QSOX2: variants seen among roughly 807,000 people sequenced by gnomAD.
QSOX2 encodes quiescin sulfhydryl oxidase 2, also known as sulfhydryl oxidase 2.
In QSOX2, 46 loss-of-function variants were observed where a neutral mutation model predicts 61.7. The observed-to-expected ratio is 0.75, with a 90% CI of 0.59 to 0.95. The LOEUF is 0.95. Among genes scored for constraint, QSOX2 ranks in the 40% least tolerant of loss-of-function variants. QSOX2 has a pLI of 0.00. For missense variants in QSOX2, 879 were observed against 918.9 expected, an observed-to-expected ratio of 0.96 and a Z score of 0.56; for synonymous variants, 383 against 388.4, an observed-to-expected ratio of 0.99 and a Z score of 0.16.
chr9:136,215,020 A>G (rs1831891432), intron 10 of QSOX2, 134 bp downstream of exon 10: 3 of 1,066,920 alleles, frequency 2.8e-6, no homozygotes, highest in Non-Finnish European at 3.9e-6. Flanking sequence ...AGGAGTCTGA[A>G]GTGCCATTCC....
chr9:136,213,893 G>T (rs1389457874), intron 10 of QSOX2, among the ~76,000 whole-genome samples: 1 of 152,206 alleles, frequency 6.6e-6, no homozygotes, highest in African/African-American at 2.4e-5. Flanking sequence ...ACACGAGTGA[G>T]CCCAAGCAGC....
At chr9:136,224,473 C>T (rs1830260798) in intron 3 of QSOX2, among the ~76,000 whole-genome samples, 1 of 152,292 alleles carries the variant, frequency 6.6e-6, no homozygotes, top group South Asian at 2.1e-4. Flanking sequence ...CAGGCAGCTC[C>T]ACCGGGTCCC....
rs928505058 is a variant in QSOX2, at chr9:136,223,193, C to T, written c.675+570G>A. Among the ~76,000 whole-genome samples, 1 of 152,128 alleles carries T rather than the reference C, an allele frequency of 6.6e-6. No individual in the cohort carries two copies. The highest frequency in any genetic ancestry group is 2.4e-5 in the African/African-American group (1 of 41,410). On this transcript the variant is annotated intron_variant, in intron 5 of 11. Coordinates refer to ENST00000358701, the MANE Select transcript of QSOX2 (RefSeq NM_181701.4). This position sits in a 1 kb window ranked among gnomAD's most constrained non-coding sequence, Gnocchi z 4.4. ...AAGCTCAGGGTGAGTGCTGGGCGAA[C>T]GCATGTGCAGTGAGGCCTTTCTCTC...
rs548178954 is a variant in QSOX2, at chr9:136,221,188, C to T, written c.821+608G>A. ...ATCCTCATGAGGGGCACACGGGCAC[C>T]CCACGCAGGGGCAAAGGGCTTATCC... On this transcript the variant is annotated intron_variant, in intron 6 of 11. Coordinates refer to ENST00000358701, the MANE Select transcript of QSOX2 (RefSeq NM_181701.4). The surrounding 1 kb of genome is among the most constrained non-coding windows in gnomAD (Gnocchi z 4.5). Among the ~76,000 whole-genome samples the T allele has an allele frequency of 3.6e-3, 484 of 134,058 alleles. No homozygotes were observed. The highest frequency in any genetic ancestry group is 0.022 in the Middle Eastern group (5 of 232). 87.9% of individuals were successfully genotyped at this position (134,058 alleles called of 152,430 possible).
rs147671406 is a variant in QSOX2 at position 136,215,249 on chromosome 9, C to T, written c.1265G>A (p.Arg422Gln). 662 of 1,614,006 alleles carry T rather than the reference C, an allele frequency of 4.1e-4. 5 individuals are homozygous for T. The African/African-American group carries it at 7.2e-3, about 18-fold the overall frequency. The part of the protein sequence containing the change: ...HIKWVGCQGS[R>Q]SELRGYPCSL... ...ACACGGGTAACCCCTCAACTCAGATCGGCTTCCTTGACATCCAACCCACTT... is the reference window on the plus strand; with the variant it reads ...ACACGGGTAACCCCTCAACTCAGATTGGCTTCCTTGACATCCAACCCACTT... Residue 422 changes from arginine to glutamine, a missense_variant, in exon 10 of 12, where the codon CGA becomes CAA. Physicochemically the swap from Arg to Gln is conservative, Grantham distance 43. Transcript: ENST00000358701.
rs115717401 is a variant in QSOX2, at chr9:136,237,973, A to G, written c.328+7503T>C. On this transcript the variant is annotated intron_variant, in intron 1 of 11. Transcript: ENST00000358701. ...GGACAGTGCACAAAGAAACTGTCCT[A>G]TGGGGCAAGAAAACCACAACCTTTG... 3.6e-3 allele frequency among the ~76,000 whole-genome samples: 552 copies of G among 152,380 alleles called. 2 individuals are homozygous for G. The highest frequency in any genetic ancestry group is 0.012 in the African/African-American group (512 of 41,584).
At position 136,221,584 on chromosome 9, in the gene QSOX2, G is replaced by A. The variant is rs1197505915; in HGVS notation, c.821+212C>T. Among the ~76,000 whole-genome samples, 2 of 152,210 alleles carry A rather than the reference G, an allele frequency of 1.3e-5. No individual in the cohort carries two copies. Among genetic ancestry groups the A allele is most frequent in the South Asian group, 2.1e-4 (1 of 4,834 alleles). On this transcript the variant is annotated intron_variant, in intron 6 of 11. Coordinates refer to ENST00000358701, the MANE Select transcript of QSOX2 (RefSeq NM_181701.4). The surrounding 1 kb of genome is among the most constrained non-coding windows in gnomAD (Gnocchi z 4.5). The stretch of plus-strand genomic sequence containing the variant: ...ACGCCAGGCTCCTCCTAGGTGCGGG[G>A]ACACAGCAGTGAGAAAACAGAAATC...
At chr9:136,241,976 G>A (rs549757765) in intron 1 of QSOX2, among the ~76,000 whole-genome samples, 35 of 152,326 alleles carry the variant, frequency 2.3e-4, no homozygotes, top group African/African-American at 7.2e-4. Flanking sequence ...AGATCTCACC[G>A]GTCAGACGGG....
chr9:136,245,642 C>G lies in QSOX2; in HGVS notation c.162G>C (p.Arg54=). The change falls in exon 1 of 12, where the codon CGG becomes CGC. Residue 54 remains arginine, a synonymous_variant. Coordinates refer to ENST00000358701, the MANE Select transcript of QSOX2 (RefSeq NM_181701.4). ...CGGCGTCCTCGCCCGCGCGGTACAG[C>G]CGCGCCGCACCGCCCGCGCCCGGCC... ...AVGPGAGGAA[R]LYRAGEDAVW... 7.7e-7 allele frequency: 1 copy of G among 1,302,944 alleles called. No homozygotes were observed. The highest frequency in any genetic ancestry group is 2.2e-5 in the South Asian group (1 of 44,568). The allele number at this position is 1,302,944 out of a possible 1,614,324, so 80.7% of individuals were successfully genotyped here.
intron 1 of QSOX2, among the ~76,000 whole-genome samples, chr9:136,229,505 CACTT>C: frequency 6.6e-6 from 1 of 152,280 alleles, no homozygotes; most frequent in South Asian, 2.1e-4. Flanking sequence ...TTTTATTCCA[CACTT>C]TTTTTAAAAA....
At chr9:136,232,917 C>CAAAAAAAAAAAAAAA (rs60814748) in intron 1 of QSOX2, among the ~76,000 whole-genome samples, 1 of 45,512 alleles carries the variant, frequency 2.2e-5, no homozygotes, top group Non-Finnish European at 4.6e-5. Context: ...GAACCTGTCT[C>CAAAAAAAAAAAAAAA]AAAAAAAAAA....
At position 136,211,320 on chromosome 9, in the gene QSOX2, T is replaced by C. The variant is rs372409618; in HGVS notation, c.1493A>G (p.Asp498Gly). 2.9e-5 allele frequency: 47 copies of C among 1,614,076 alleles called. No individual in the cohort carries two copies. The highest frequency in any genetic ancestry group is 4.2e-6 in the Non-Finnish European group (5 of 1,180,032). ...KESMDSVKTP[D>G]QAILWLWKKH... ...CTTCCACAGCCAGAGGATGGCTTGG[T>C]CTGGGGTTTTCACCGAGTCCATGGA... Residue 498 changes from aspartate to glycine, a missense_variant, in exon 11 of 12, where the codon GAC becomes GGC. Transcript: ENST00000358701.
At chr9:136,212,624 T>G (rs952058905) in intron 10 of QSOX2, among the ~76,000 whole-genome samples, 2 of 152,230 alleles carry the variant, frequency 1.3e-5, no homozygotes, top group Admixed American at 6.5e-5. Flanking sequence ...GCTGGCCCTG[T>G]GACCCGGCCC....
intron 8 of QSOX2, 55 bp from the exon 9 acceptor site, chr9:136,216,777 C>G: frequency 1.9e-6 from 3 of 1,601,896 alleles, no homozygotes; most frequent in Non-Finnish European, 2.6e-6. Flanking sequence ...GGCCCGCCCC[C>G]ACCGCGGGGG....
chr9:136,212,404 G>A (rs567171403), intron 10 of QSOX2, among the ~76,000 whole-genome samples: 2 of 152,350 alleles, frequency 1.3e-5, no homozygotes, highest in East Asian at 1.9e-4. Context: ...GGAGCTTCCC[G>A]CGTGAGTGCA....
intron 1 of QSOX2, among the ~76,000 whole-genome samples, chr9:136,240,354 G>A (rs556302448): frequency 3.4e-4 from 51 of 152,196 alleles, no homozygotes; most frequent in Non-Finnish European, 6.2e-4. Flanking sequence ...TAATGAAAAA[G>A]TCTACAGAAG....
Position 136,207,499 on chromosome 9 carries a change from G to A in QSOX2, c.*1229C>T, listed in dbSNP as rs1269635459. The A allele has an allele frequency of 6.6e-6, 1 of 152,228 alleles. No homozygotes were observed. The highest frequency in any genetic ancestry group is 2.4e-5 in the African/African-American group (1 of 41,392). The allele number at this position is 152,228 out of a possible 1,614,324, so 9.4% of individuals were successfully genotyped here. ...AAGAATCTCAATATAAATGTTCCCA[G>A]AAATAGTGTATTTGTTTGTTTACAT... On this transcript the variant is annotated 3_prime_UTR_variant, in exon 12 of 12. Transcript: ENST00000358701.
In QSOX2 at chr9:136,222,190, C is replaced by T. The variant is rs1036150280; in HGVS notation, c.676-249G>A. Among the ~76,000 whole-genome samples, 11 of 152,192 alleles carry T rather than the reference C, an allele frequency of 7.2e-5. No individual in the cohort carries two copies. The highest frequency in any genetic ancestry group is 1.0e-4 in the Non-Finnish European group (7 of 68,042). On this transcript the variant is annotated intron_variant, in intron 5 of 11. Coordinates refer to ENST00000358701, the MANE Select transcript of QSOX2 (RefSeq NM_181701.4). The surrounding 1 kb of genome is among the most constrained non-coding windows in gnomAD (Gnocchi z 6.9). Reference sequence around the variant, plus strand: ...AAACTCATCAAAGAAAACACTTATCCGCGAATTTGCACTTGACTTTCTAAA... The same window carrying T: ...AAACTCATCAAAGAAAACACTTATCTGCGAATTTGCACTTGACTTTCTAAA...
intron 8 of QSOX2, among the ~76,000 whole-genome samples, chr9:136,216,989 C>T (rs531255069): frequency 5.9e-5 from 9 of 152,352 alleles, no homozygotes; most frequent in African/African-American, 1.7e-4. Flanking sequence ...CACCCACCTG[C>T]GCCCACGGCC....
Sources: gnomAD v4.1 joint callset for allele counts (sites outside exome capture counted in the v4.1 genomes callset) on GRCh38, gnomAD v4.1.1 for gene constraint, Gnocchi (gnomAD v3.1) non-coding constraint, MANE v1.5 for transcripts, NCBI Gene and HGNC (gene_info 2026-07-23, HGNC 2026-07-21) for gene names.